KCNK18: variants seen among roughly 807,000 people sequenced by gnomAD.
The protein encoded by KCNK18 is potassium channel subfamily K member 18.
KCNK18 carries 8 observed loss-of-function variants against 11.8 expected under a neutral mutation model. That is an observed-to-expected ratio of 0.68 (90% confidence interval 0.40 to 1.22). The LOEUF is 1.22. Ranked by LOEUF, KCNK18 falls within the 50% of genes most tolerant of loss-of-function variation. The pLI is 0.01. For synonymous variants in KCNK18, 208 were observed against 185.8 expected, an observed-to-expected ratio of 1.12 and a Z score of -0.97; for missense variants, 442 against 465.4, an observed-to-expected ratio of 0.95 and a Z score of 0.46.
intron 2 of KCNK18, among the ~76,000 whole-genome samples, chr10:117,207,217 C>T (rs755946935): frequency 2.0e-5 from 3 of 152,138 alleles, no homozygotes; most frequent in Non-Finnish European, 1.5e-5. Context: ...TTAGTAGAGA[C>T]AGGGTTTTGC....
chr10:117,207,630 AT>A (rs1214231121), intron 2 of KCNK18, among the ~76,000 whole-genome samples: 2 of 152,338 alleles, frequency 1.3e-5, no homozygotes, highest in South Asian at 2.1e-4. Context: ...CCAGAGTGGC[AT>A]GGAGTGCTCT....
rs776070969 is a variant in KCNK18, at chr10:117,209,700, T to G, written c.556T>G (p.Phe186Val). 1 of 1,613,864 alleles carries G rather than the reference T, an allele frequency of 6.2e-7. No individual in the cohort carries two copies. Among genetic ancestry groups the G allele is most frequent in the Non-Finnish European group, 8.5e-7 (1 of 1,179,816 alleles). ...CTCCAAGTGGTGCCCCAAATCTCTCTTCAAGAAAAAACCGGACCCCAAGCC... is the reference window on the plus strand; with the variant it reads ...CTCCAAGTGGTGCCCCAAATCTCTCGTCAAGAAAAAACCGGACCCCAAGCC... Reference protein sequence around the residue: ...LLSKWCPKSLFKKKPDPKPAD... With the variant: ...LLSKWCPKSLVKKKPDPKPAD... The change falls in exon 3 of 3, where the codon TTC becomes GTC. Residue 186 changes from phenylalanine to valine, a missense_variant. Physicochemically the swap from Phe to Val is conservative, Grantham distance 50. Transcript: ENST00000334549.
chr10:117,198,300 G>T (rs1428170653), intron 1 of KCNK18, among the ~76,000 whole-genome samples: 1 of 152,072 alleles, frequency 6.6e-6, no homozygotes, highest in Non-Finnish European at 1.5e-5. Context: ...GAGGGGTGGG[G>T]GTCCTGGCTG....
chr10:117,202,885 GCTTTTTTTTT>G lies in KCNK18; in HGVS notation c.352+1599_352+1608del, dbSNP rs1855031450. Among the ~76,000 whole-genome samples, 13 of 111,288 alleles carry G rather than the reference GCTTTTTTTTT, an allele frequency of 1.2e-4. 2 individuals carry two copies. The South Asian group carries it at 3.6e-3, about 31-fold the overall frequency. 73.0% of individuals were successfully genotyped at this position (111,288 alleles called of 152,430 possible). The stretch of plus-strand genomic sequence containing the variant: ...CGTGGTTTCTCCCATTTGCCTGAAT[GCTTTTTTTTT>G]TTTTTTTTTTTTTGAGATGGAGTCT... On this transcript the variant is annotated intron_variant, in intron 2 of 2. Transcript: ENST00000334549.
rs750157980 is a variant in KCNK18 at position 117,202,885 on chromosome 10, G to GTTTTTTTTTTTT, written c.352+1598_352+1599insTTTTTTTTTTTT. On this transcript the variant is annotated intron_variant, in intron 2 of 2. Transcript: ENST00000334549. ...CGTGGTTTCTCCCATTTGCCTGAAT[G>GTTTTTTTTTTTT]CTTTTTTTTTTTTTTTTTTTTTTGA... Among the ~76,000 whole-genome samples the GTTTTTTTTTTTT allele has an allele frequency of 4.5e-4, 50 of 111,262 alleles. 8 individuals carry two copies. Among genetic ancestry groups the GTTTTTTTTTTTT allele is most frequent in the Non-Finnish European group, 5.8e-4 (33 of 57,266 alleles). 73.0% of individuals were successfully genotyped at this position (111,262 alleles called of 152,430 possible).
intron 2 of KCNK18, among the ~76,000 whole-genome samples, chr10:117,208,796 A>G (rs1413977047): frequency 1.3e-5 from 2 of 149,272 alleles, no homozygotes; most frequent in Non-Finnish European, 3.0e-5. Flanking sequence ...GCTGGAGTGC[A>G]ATGGCACAAT....
At chr10:117,202,441 C>G (rs539883608) in intron 2 of KCNK18, among the ~76,000 whole-genome samples, 6 of 152,358 alleles carry the variant, frequency 3.9e-5, no homozygotes, top group African/African-American at 9.6e-5. Context: ...GAGGACAGCT[C>G]TAGGCTGATA....
chr10:117,206,698 C>T (rs1222815013), intron 2 of KCNK18, among the ~76,000 whole-genome samples: 1 of 152,090 alleles, frequency 6.6e-6, no homozygotes, highest in African/African-American at 2.4e-5. Flanking sequence ...AGCTGGGTGA[C>T]AGCTACACTC....
At chr10:117,200,165 C>T (rs1304812081) in intron 1 of KCNK18, among the ~76,000 whole-genome samples, 13 of 152,204 alleles carry the variant, frequency 8.5e-5, no homozygotes, top group Non-Finnish European at 1.6e-4. Context: ...GCAACCTCCA[C>T]TCCCCAGGTT....
chr10:117,201,393 C>G (rs1038115498), intron 2 of KCNK18, 106 bp downstream of exon 2: 12 of 1,143,546 alleles, frequency 1.0e-5, no homozygotes, highest in Non-Finnish European at 1.5e-5. Context: ...TCCTCTCCCT[C>G]TCTTCTTCCC....
chr10:117,209,556 C>T lies in KCNK18; in HGVS notation c.412C>T (p.Leu138Phe). 6.2e-7 allele frequency: 1 copy of T among 1,614,034 alleles called. No individual in the cohort carries two copies. Among genetic ancestry groups the T allele is most frequent in the Non-Finnish European group, 8.5e-7 (1 of 1,179,924 alleles). The change falls in exon 3 of 3, where the codon CTC becomes TTC. Residue 138 changes from leucine (L) to phenylalanine (F), a missense_variant. Coordinates refer to ENST00000334549, the MANE Select transcript of KCNK18 (RefSeq NM_181840.1). Reference sequence around the variant, plus strand: ...CAAGTACTTGTGCATGCTCTATGCTCTCTTTGGTATCCCCCTGATGTTCCT... The same window carrying T: ...CAAGTACTTGTGCATGCTCTATGCTTTCTTTGGTATCCCCCTGATGTTCCT... ...LGKYLCMLYA[L>F]FGIPLMFLVL...
At chr10:117,206,374 T>G (rs1466528795) in intron 2 of KCNK18, among the ~76,000 whole-genome samples, 1 of 152,142 alleles carries the variant, frequency 6.6e-6, no homozygotes, top group Non-Finnish European at 1.5e-5. Flanking sequence ...AATATCTTGC[T>G]CAGCCTCTCC....
intron 2 of KCNK18, among the ~76,000 whole-genome samples, chr10:117,202,044 G>T (rs363307): frequency 0.067 from 10,162 of 152,316 alleles, 553 homozygotes; most frequent in Admixed American, 0.16. Context: ...CTCACCAGGA[G>T]CGTGGCCCAT....
At chr10:117,208,205 C>T (rs114934105) in intron 2 of KCNK18, among the ~76,000 whole-genome samples, 1,671 of 152,270 alleles carry the variant, frequency 0.011, 31 homozygotes, top group African/African-American at 0.035. Flanking sequence ...TGTATGCTCA[C>T]GGCCAAGCTA....
At position 117,206,932 on chromosome 10, in the gene KCNK18, C is replaced by G. The variant is rs141102550; in HGVS notation, c.353-2565C>G. ...AGGGTCTTTGCACAGGCTGCTTCCTCTCTCTTCACCTGGCTAGTTTGTGAC... is the reference window on the plus strand; with the variant it reads ...AGGGTCTTTGCACAGGCTGCTTCCTGTCTCTTCACCTGGCTAGTTTGTGAC... On this transcript the variant is annotated intron_variant, in intron 2 of 2. Transcript: ENST00000334549. Among the ~76,000 whole-genome samples the G allele has an allele frequency of 9.7e-3, 1,483 of 152,292 alleles. 16 individuals are homozygous for G. The highest frequency in any genetic ancestry group is 0.033 in the African/African-American group (1,390 of 41,560).
At chr10:117,205,206 A>C (rs1464692080) in intron 2 of KCNK18, among the ~76,000 whole-genome samples, 1 of 152,228 alleles carries the variant, frequency 6.6e-6, no homozygotes, top group Admixed American at 6.5e-5. Flanking sequence ...ATTAGAAAGG[A>C]AAGTGCATGA....
At chr10:117,199,131 C>G (rs959248782) in intron 1 of KCNK18, among the ~76,000 whole-genome samples, 2 of 152,144 alleles carry the variant, frequency 1.3e-5, no homozygotes, top group African/African-American at 4.8e-5. Flanking sequence ...TAGGCCTGGG[C>G]AACAAGGTGA....
intron 1 of KCNK18, among the ~76,000 whole-genome samples, chr10:117,198,895 A>G (rs1854981521): frequency 6.6e-6 from 1 of 152,230 alleles, no homozygotes; most frequent in African/African-American, 2.4e-5. Flanking sequence ...GACTACCAGC[A>G]AGTTCAAGGC....
chr10:117,203,356 C>G (rs1855037218), intron 2 of KCNK18, among the ~76,000 whole-genome samples: 1 of 152,102 alleles, frequency 6.6e-6, no homozygotes, highest in African/African-American at 2.4e-5. Flanking sequence ...TCCACAGGCT[C>G]TAAGAGGGAA....
Sources: allele counts gnomAD v4.1 joint callset (sites outside exome capture counted in the v4.1 genomes callset), GRCh38; gene constraint gnomAD v4.1.1; transcripts MANE v1.5; gene names NCBI Gene and HGNC (gene_info 2026-07-23, HGNC 2026-07-21).